ANO6: variants seen among roughly 807,000 people sequenced by gnomAD.
ANO6 encodes the protein anoctamin-6.
A neutral mutation model predicts 117.5 loss-of-function variants in ANO6; 106 were observed. That is an observed-to-expected ratio of 0.90 (90% CI 0.77 to 1.06). The LOEUF (loss-of-function observed/expected upper bound fraction) is 1.06. Ranked by LOEUF, ANO6 falls within the 50% of genes least tolerant of loss-of-function variation. The probability of loss-of-function intolerance (pLI) is 0.00; values close to 1 mark genes in which losing one functional copy is unlikely to be tolerated. For missense variants in ANO6, 955 were observed against 1,121.1 expected (o/e 0.85, Z 2.12); for synonymous variants, 367 against 385.1 (o/e 0.95, Z 0.55).
intron 2 of ANO6, among the ~76,000 whole-genome samples, chr12:45,327,999 C>T (rs1555169698): frequency 6.6e-6 from 1 of 152,088 alleles, no homozygotes; most frequent in Non-Finnish European, 1.5e-5. Context: ...AAAAATCATT[C>T]TGGGCCATTC....
rs1939682893 is a variant in ANO6 at position 45,306,744 on chromosome 12, T to C, written c.150+4651T>C. On this transcript the variant is annotated intron_variant, in intron 2 of 19. Transcript: ENST00000320560. ...ACAGGAAAAAAAAAATCCCTGCACT[T>C]GTGAAGCTAACATTTTGATGGGGGA... Among the ~76,000 whole-genome samples the C allele has an allele frequency of 2.0e-5, 3 of 151,758 alleles. 1 individual carries two copies. Among genetic ancestry groups the C allele is most frequent in the Admixed American group, 2.0e-4 (3 of 15,216 alleles).
intron 1 of ANO6, among the ~76,000 whole-genome samples, chr12:45,293,390 C>G (rs1939171063): frequency 6.6e-6 from 1 of 152,098 alleles, no homozygotes; most frequent in African/African-American, 2.4e-5. Context: ...CAACACCTAT[C>G]TTTTCCCCAG....
At chr12:45,250,569 T>TTTG (rs1003270418) in intron 1 of ANO6, among the ~76,000 whole-genome samples, 2 of 151,654 alleles carry the variant, frequency 1.3e-5, no homozygotes, top group African/African-American at 2.4e-5. Context: ...ATTAAATTTT[T>TTTG]TTGTTGTTGT....
At chr12:45,364,006 T>C (rs538705134) in intron 8 of ANO6, among the ~76,000 whole-genome samples, 2 of 152,344 alleles carry the variant, frequency 1.3e-5, no homozygotes, top group South Asian at 2.1e-4. Context: ...ACAGATTCTT[T>C]CAGATTTTAT....
chr12:45,303,536 C>T (rs1300779249), intron 2 of ANO6, among the ~76,000 whole-genome samples: 3 of 152,114 alleles, frequency 2.0e-5, no homozygotes, highest in African/African-American at 4.8e-5. Context: ...ATACATAGTT[C>T]GCACCAATTC....
intron 1 of ANO6, among the ~76,000 whole-genome samples, chr12:45,226,388 A>G (rs765535578): frequency 2.6e-5 from 4 of 151,184 alleles, no homozygotes; most frequent in Non-Finnish European, 5.9e-5. Context: ...GAATTCTACT[A>G]TTTCCCACAC....
Position 45,408,564 on chromosome 12 carries a change from A to G in ANO6, c.1881-793A>G, listed in dbSNP as rs1002941968. Among the ~76,000 whole-genome samples the G allele has an allele frequency of 2.0e-5, 3 of 152,324 alleles. No individual in the cohort carries two copies. The East Asian group carries it at 5.8e-4, about 29-fold the overall frequency. On this transcript the variant is annotated intron_variant, in intron 15 of 19. Coordinates refer to ENST00000320560, the MANE Select transcript of ANO6 (RefSeq NM_001025356.3). ...GACGCAGTCCAGGCTGTTTTCTCCT[A>G]GCTCTGCACTATGACCTGGAGGAGG... is the stretch of plus-strand genomic sequence containing the variant.
chr12:45,291,807 A>T (rs531309946), intron 1 of ANO6, among the ~76,000 whole-genome samples: 38 of 152,262 alleles, frequency 2.5e-4, no homozygotes, highest in African/African-American at 6.7e-4. Flanking sequence ...AAATAAGAGC[A>T]CACAAAATAG....
chr12:45,330,187 C>T (rs1057395060), intron 2 of ANO6, among the ~76,000 whole-genome samples: 4 of 152,050 alleles, frequency 2.6e-5, no homozygotes, highest in African/African-American at 9.7e-5. Flanking sequence ...GGTAATAAAC[C>T]TTCATGTGTT....
In ANO6 at chr12:45,354,974, GAA is replaced by G. The variant is rs1482320250; in HGVS notation, c.864-2312_864-2311del. ...AAGTCAATAGGTGATGCATAAAACT[GAA>G]AAATCAATAAACAGCACTTCTCGCA... is the stretch of plus-strand genomic sequence containing the variant. On this transcript the variant is annotated intron_variant, in intron 7 of 19. Coordinates refer to ENST00000320560, the MANE Select transcript of ANO6 (RefSeq NM_001025356.3). Among the ~76,000 whole-genome samples the G allele has an allele frequency of 6.6e-5, 10 of 152,176 alleles. No homozygotes were observed. The East Asian group carries it at 1.7e-3, about 27-fold the overall frequency.
At chr12:45,292,780 T>G in intron 1 of ANO6, 1 of 1,460,786 alleles carries the variant, frequency 6.8e-7, no homozygotes, top group Non-Finnish European at 9.1e-7. Flanking sequence ...GAAATTGTGC[T>G]TACTGAAACT....
At position 45,401,195 on chromosome 12, in the gene ANO6, T is replaced by C. The variant is rs571419688; in HGVS notation, c.1387-600T>C. On this transcript the variant is annotated intron_variant, in intron 12 of 19. Coordinates refer to ENST00000320560, the MANE Select transcript of ANO6 (RefSeq NM_001025356.3). ...ACCAACAGTTAGCTCAGGGCACCTC[T>C]GTGCCAGCTTCACTGGCAGTGCTCA... 2.3e-4 allele frequency among the ~76,000 whole-genome samples: 35 copies of C among 152,376 alleles called. No individual in the cohort carries two copies. The South Asian group carries it at 7.2e-3, about 32-fold the overall frequency.
chr12:45,246,439 A>T (rs1472197955), intron 1 of ANO6, among the ~76,000 whole-genome samples: 1 of 152,210 alleles, frequency 6.6e-6, no homozygotes, highest in African/African-American at 2.4e-5. Flanking sequence ...TAGAGTAAAC[A>T]TTGCTAACTG....
chr12:45,261,767 G>T (rs926578911), intron 1 of ANO6, among the ~76,000 whole-genome samples: 1 of 152,212 alleles, frequency 6.6e-6, no homozygotes, highest in Admixed American at 6.5e-5. Context: ...TTGGTCACTT[G>T]TGTGTCTAAA....
chr12:45,387,194 G>A (rs1049668978), intron 10 of ANO6, among the ~76,000 whole-genome samples: 1 of 152,084 alleles, frequency 6.6e-6, no homozygotes, highest in Non-Finnish European at 1.5e-5. Context: ...TAGAAGAAGG[G>A]CATGGGGTAT....
At position 45,348,664 on chromosome 12, in the gene ANO6, C is replaced by T. The variant is rs749638826; in HGVS notation, c.747+33C>T. 4.1e-6 allele frequency: 6 copies of T among 1,471,390 alleles called. No individual in the cohort carries two copies. The African/African-American group carries it at 8.3e-5, about 20-fold the overall frequency. The allele number at this position is 1,471,390 out of a possible 1,614,324, so 91.1% of individuals were successfully genotyped here. ...AAAAGGCAAAAATGAACTAAAAGGC[C>T]TTCTGTATACTCTGGTGTTGACAAT... is the stretch of plus-strand genomic sequence containing the variant. On this transcript the variant is annotated intron_variant, in intron 6 of 19. Transcript: ENST00000320560.
At chr12:45,275,883 C>G (rs1938539605) in intron 1 of ANO6, among the ~76,000 whole-genome samples, 1 of 152,170 alleles carries the variant, frequency 6.6e-6, no homozygotes, top group African/African-American at 2.4e-5. Flanking sequence ...TCTACATGCT[C>G]ATCTATTTCA....
At chr12:45,273,924 A>G (rs1296194163) in intron 1 of ANO6, among the ~76,000 whole-genome samples, 1 of 152,210 alleles carries the variant, frequency 6.6e-6, no homozygotes, top group Non-Finnish European at 1.5e-5. Context: ...CATGAGTCAC[A>G]GAGCCTCCCA....
intron 11 of ANO6, among the ~76,000 whole-genome samples, chr12:45,389,427 T>G (rs1266471215): frequency 6.6e-6 from 1 of 152,110 alleles, no homozygotes; most frequent in Non-Finnish European, 1.5e-5. Context: ...CTAAAAAATC[T>G]TATAATACCA....
Sources: allele counts gnomAD v4.1 joint callset (sites outside exome capture counted in the v4.1 genomes callset), GRCh38; gene constraint gnomAD v4.1.1; transcripts MANE v1.5; gene names NCBI Gene and HGNC (gene_info 2026-07-23, HGNC 2026-07-21).